The following ATP5F1A variants were observed in gnomAD, a reference collection of about 807,000 sequenced individuals.
The protein encoded by ATP5F1A is ATP synthase F(1) complex subunit alpha, mitochondrial.
Under a neutral mutation model 57.4 loss-of-function variants are expected in ATP5F1A, and 24 were observed. That is an observed-to-expected ratio of 0.42 (90% CI 0.30 to 0.59). ATP5F1A has a LOEUF of 0.59. Among genes scored for constraint, ATP5F1A ranks in the 20% least tolerant of loss-of-function variants. The pLI is 0.19. For synonymous variants in ATP5F1A, 251 were observed against 255.5 expected (o/e 0.98, Z 0.17); for missense variants, 494 against 707.9 (o/e 0.70, Z 3.43).
intron 4 of ATP5F1A, 29 bp downstream of exon 4, chr18:46,089,794 C>CAG: frequency 6.2e-7 from 1 of 1,609,312 alleles, no homozygotes; most frequent in Non-Finnish European, 8.5e-7. Flanking sequence ...TTAGAAGCTG[C>CAG]AACTATATCT....
At position 46,084,048 on chromosome 18, in the gene ATP5F1A, T is replaced by A. The variant is rs1243475430; in HGVS notation, c.*234A>T. 2 of 412,534 alleles carry A rather than the reference T, an allele frequency of 4.8e-6. No individual in the cohort carries two copies. Among genetic ancestry groups the A allele is most frequent in the Non-Finnish European group, 8.5e-6 (2 of 235,228 alleles). The allele number at this position is 412,534 out of a possible 1,614,324, so 25.6% of individuals were successfully genotyped here. A position where few individuals can be genotyped will look rare whatever the true frequency, so the allele number is the denominator to read the frequency against. On this transcript the variant is annotated 3_prime_UTR_variant, in exon 12 of 12. Transcript: ENST00000398752. ...CCTTGAATTATCTAGCCCAGTTGAC[T>A]GTACCAATATTCAAGTAAAATAGAT... is the stretch of plus-strand genomic sequence containing the variant.
At chr18:46,103,553 A>G (rs1911352538) in intron 1 of ATP5F1A, among the ~76,000 whole-genome samples, 1 of 139,296 alleles carries the variant, frequency 7.2e-6, no homozygotes, top group African/African-American at 2.7e-5. Context: ...GTGAGCTGAG[A>G]GCCGAGAGCC....
chr18:46,099,509 G>T (rs1220705631), upstream of ATP5F1A, among the ~76,000 whole-genome samples: 2 of 151,912 alleles, frequency 1.3e-5, no homozygotes, highest in Non-Finnish European at 2.9e-5. Context: ...AAAGAGTGCA[G>T]TGGGTTTATC....
chr18:46,104,155 A>G (rs1194709708), exon 1 of ATP5F1A: 3 of 395,612 alleles, frequency 7.6e-6, no homozygotes, highest in Middle Eastern at 6.4e-4. Context: ...AGGCGGCTCT[A>G]TCTCTCGTAG....
upstream of ATP5F1A, chr18:46,098,498 C>T: frequency 8.8e-7 from 1 of 1,132,324 alleles, no homozygotes; most frequent in Non-Finnish European, 1.2e-6. Flanking sequence ...ATTCGTTATA[C>T]ATTTATTTTG....
At chr18:46,084,678 CAAGT>C in intron 10 of ATP5F1A, 24 bp from the exon 11 acceptor site, 1 of 1,524,216 alleles carries the variant, frequency 6.6e-7, no homozygotes, top group Non-Finnish European at 8.8e-7. Context: ...AGAAGAATGC[CAAGT>C]GAGTTGCTCA....
At chr18:46,104,220 C>T (rs1298791802) in exon 1 of ATP5F1A, 1 of 424,888 alleles carries the variant, frequency 2.4e-6, no homozygotes, top group South Asian at 9.9e-5. Context: ...CGAAGCGAGG[C>T]TTGCAATGCC....
upstream of ATP5F1A, among the ~76,000 whole-genome samples, chr18:46,102,716 G>A (rs1489707727): frequency 6.6e-6 from 1 of 152,150 alleles, no homozygotes; most frequent in Non-Finnish European, 1.5e-5. Flanking sequence ...AGAGGCCCAA[G>A]TGGGAGCATC....
intron 3 of ATP5F1A, among the ~76,000 whole-genome samples, chr18:46,091,295 T>G (rs1910534846): frequency 6.6e-6 from 1 of 152,208 alleles, no homozygotes; most frequent in South Asian, 2.1e-4. Flanking sequence ...ATATGTCTAC[T>G]CACTAGAAAT....
Position 46,087,175 on chromosome 18 carries a change from AG to A in ATP5F1A, c.1008del (p.Tyr337IlefsTer19), listed in dbSNP as rs764310887. 6.2e-7 allele frequency: 1 copy of A among 1,614,238 alleles called. No individual in the cohort carries two copies. The highest frequency in any genetic ancestry group is 8.5e-7 in the Non-Finnish European group (1 of 1,180,036). On this transcript the variant is annotated frameshift_variant, in exon 8 of 12. Coordinates refer to ENST00000398752, the MANE Select transcript of ATP5F1A (RefSeq NM_004046.6). LOFTEE classifies it high-confidence loss of function. ...LLLRRPPGRE[A>X]YPGDVFYLHS... is the part of the protein sequence containing the mutation. ...TGTAGGTAGAACACATCACCAGGAT[AG>A]GCCTCACGACCAGGGGGTCGGCGGA...
rs1909743406 is a variant in ATP5F1A, at chr18:46,081,660, C to CAAAAAAAAAAACAAAA, written c.*2621_*2622insTTTTGTTTTTTTTTTT. The CAAAAAAAAAAACAAAA allele has an allele frequency of 1.4e-5, 1 of 73,966 alleles. No homozygotes were observed. Among genetic ancestry groups the CAAAAAAAAAAACAAAA allele is most frequent in the Admixed American group, 2.0e-4 (1 of 5,050 alleles). The allele number at this position is 73,966 out of a possible 1,614,324, so 4.6% of individuals were successfully genotyped here. A position where few individuals can be genotyped will look rare whatever the true frequency, so the allele number is the denominator to read the frequency against. On this transcript the variant is annotated 3_prime_UTR_variant, in exon 12 of 12. Coordinates refer to ENST00000398752, the MANE Select transcript of ATP5F1A (RefSeq NM_004046.6). ...GCCTGGGCAACAAGAGCAAAACTCT[C>CAAAAAAAAAAACAAAA]AAAAAAAAAAAACAAAAAAAAAAAA... is the stretch of plus-strand genomic sequence containing the variant.
In ATP5F1A at chr18:46,094,274, T is replaced by C. The variant is rs577818052; in HGVS notation, c.139+779A>G. On this transcript the variant is annotated intron_variant, in intron 2 of 11. Transcript: ENST00000398752. ...ATCTCCAAAGAAATTCCCCAACTTA[T>C]AGTGTCTTCCTATGCTTGCCTCCCC... 2.0e-4 allele frequency among the ~76,000 whole-genome samples: 30 copies of C among 152,236 alleles called. No homozygotes were observed. The South Asian group carries it at 3.1e-3, about 16-fold the overall frequency.
At chr18:46,086,925 A>C (rs968736492) in intron 8 of ATP5F1A, 83 bp downstream of exon 8, 48 of 1,397,826 alleles carry the variant, frequency 3.4e-5, no homozygotes, top group Non-Finnish European at 4.6e-5. Flanking sequence ...TTAGCAAATC[A>C]GTCAATATAC....
Position 46,084,551 on chromosome 18 carries a change from G to C in ATP5F1A, c.1533C>G (p.Phe511Leu). 6.2e-7 allele frequency: 1 copy of C among 1,612,676 alleles called. No individual in the cohort carries two copies. The change falls in exon 11 of 12, where the codon TTC (phenylalanine) becomes TTG (leucine). Residue 511 changes from phenylalanine (F) to leucine (L), a missense_variant. Coordinates refer to ENST00000398752, the MANE Select transcript of ATP5F1A (RefSeq NM_004046.6). Reference sequence around the variant, plus strand: ...GGTGCTGGCTGACGACATGAGACAAGAAAGCATTCTCAAACTTTGTAATCT... The same window carrying C: ...GGTGCTGGCTGACGACATGAGACAACAAAGCATTCTCAAACTTTGTAATCT... ...PSKITKFENA[F>L]LSHVVSQHQA...
intron 2 of ATP5F1A, among the ~76,000 whole-genome samples, chr18:46,092,910 T>G (rs1320664312): frequency 6.6e-6 from 1 of 151,628 alleles, no homozygotes; most frequent in Non-Finnish European, 1.5e-5. Context: ...CACTTTGGGA[T>G]GCCAAAGGGG....
At chr18:46,094,186 C>CACACACACACACACACACACACAT (rs140950200) in intron 2 of ATP5F1A, among the ~76,000 whole-genome samples, 5 of 151,098 alleles carry the variant, frequency 3.3e-5, no homozygotes, top group African/African-American at 1.2e-4. Flanking sequence ...CACACACACA[C>CACACACACACACACACACACACAT]ATATACACAC....
upstream of ATP5F1A, chr18:46,098,385 C>T (rs1339459971): frequency 7.8e-7 from 1 of 1,282,182 alleles, no homozygotes; most frequent in East Asian, 2.9e-5. Context: ...CCGCCCCCGC[C>T]GCCACTCTGC....
upstream of ATP5F1A, among the ~76,000 whole-genome samples, chr18:46,099,929 G>A (rs567518571): frequency 2.0e-4 from 30 of 152,246 alleles, no homozygotes; most frequent in Admixed American, 3.9e-4. Flanking sequence ...AAATAGAGCA[G>A]CAGTTCTCCT....
At position 46,092,228 on chromosome 18, in the gene ATP5F1A, TAAA is replaced by T. The variant is rs1555695832; in HGVS notation, c.140-380_140-378del. On this transcript the variant is annotated intron_variant, in intron 2 of 11. Coordinates refer to ENST00000398752, the MANE Select transcript of ATP5F1A (RefSeq NM_004046.6). The stretch of plus-strand genomic sequence containing the variant: ...ATAATAATAATAATAATAATAATAA[TAAA>T]AATCTGGTCCTCGGATCTTTTCAAA... 7.2e-5 allele frequency: 5 copies of T among 69,706 alleles called. No homozygotes were observed. In the South Asian group the frequency reaches 3.2e-3, roughly 45 times the overall value. 4.3% of individuals were successfully genotyped at this position (69,706 alleles called of 1,614,324 possible).
Sources: gnomAD v4.1 joint callset for allele counts (sites outside exome capture counted in the v4.1 genomes callset) on GRCh38, gnomAD v4.1.1 for gene constraint, MANE v1.5 for transcripts, NCBI Gene and HGNC (gene_info 2026-07-23, HGNC 2026-07-21) for gene names.